SYNE2: variants seen among roughly 807,000 people sequenced by gnomAD.
SYNE2 encodes the protein spectrin repeat containing nuclear envelope protein 2.
Under a neutral mutation model 856.3 loss-of-function variants are expected in SYNE2, and 431 were observed. The ratio of observed to expected loss-of-function variants is 0.50; its 90% CI spans 0.47 to 0.55. The LOEUF (loss-of-function observed/expected upper bound fraction) is 0.55, where lower values mean the gene tolerates loss of function less well. Among genes scored for constraint, SYNE2 ranks in the 20% least tolerant of loss-of-function variants. SYNE2 has a pLI of 0.00. For missense variants in SYNE2, 8,129 were observed against 8,023.2 expected (o/e 1.01, Z -0.50); for synonymous variants, 2,923 against 2,872.3 (o/e 1.02, Z -0.56).
Position 64,027,602 on chromosome 14 carries a change from C to T in SYNE2, c.6523C>T (p.Leu2175=). 2 of 1,614,048 alleles carry T rather than the reference C, an allele frequency of 1.2e-6. No individual in the cohort carries two copies. The highest frequency in any genetic ancestry group is 1.7e-4 in the Middle Eastern group (1 of 6,060). ...AGCAGGCTTTGCTCTACAACATGGT[C>T]TGCAGGAGAAGAAAGCTCAGTTAAA... ...QEAGFALQHG[L]QEKKAQLKIY... The change falls in exon 43 of 116, where the codon CTG becomes TTG. Residue 2175 remains leucine (L), a synonymous_variant. Coordinates refer to ENST00000555002, the MANE Select transcript of SYNE2 (RefSeq NM_182914.3).
chr14:63,799,297 T>C (rs1242570686), intron 1 of SYNE2, among the ~76,000 whole-genome samples: 2 of 152,166 alleles, frequency 1.3e-5, no homozygotes, highest in Non-Finnish European at 2.9e-5. Flanking sequence ...CAGGCTGATC[T>C]TGAACTCCTG....
chr14:64,119,429 T>G lies in SYNE2; in HGVS notation c.12843T>G (p.Ala4281=). 6.2e-7 allele frequency: 1 copy of G among 1,614,204 alleles called. No individual in the cohort carries two copies. The highest frequency in any genetic ancestry group is 8.5e-7 in the Non-Finnish European group (1 of 1,180,016). The change falls in exon 67 of 116, where the codon GCT becomes GCG. Residue 4281 remains alanine, a splice_region_variant and synonymous_variant. Transcript: ENST00000555002. Reference sequence around the variant, plus strand: ...AATTAAATGCTTTTATTTCCTAGGCTATGCTAACAGAGATTGAGCACAAGG... The same window carrying G: ...AATTAAATGCTTTTATTTCCTAGGCGATGCTAACAGAGATTGAGCACAAGG... The part of the protein sequence containing the change: ...VLEQQLVGCQ[A]MLTEIEHKVA...
At chr14:63,954,560 G>C (rs1322044293) in intron 7 of SYNE2, among the ~76,000 whole-genome samples, 159 bp from the exon 8 acceptor site, 2 of 152,118 alleles carry the variant, frequency 1.3e-5, no homozygotes, top group African/African-American at 4.8e-5. Context: ...ATCAAACTTG[G>C]CATTTTCCTT....
At chr14:64,144,186 G>C (rs1170836673) in intron 83 of SYNE2, among the ~76,000 whole-genome samples, 2 of 152,188 alleles carry the variant, frequency 1.3e-5, no homozygotes, top group African/African-American at 2.4e-5. Flanking sequence ...AAGTGAAGAT[G>C]AGGAATTTTA....
intron 109 of SYNE2, 99 bp from the exon 110 acceptor site, chr14:64,219,109 T>TTTTTTTTTTG (rs2140346648): frequency 3.4e-6 from 3 of 873,090 alleles, no homozygotes; most frequent in East Asian, 6.9e-5. Context: ...TTTTTGTTTT[T>TTTTTTTTTTG]TTTTTTTTTT....
intron 22 of SYNE2, among the ~76,000 whole-genome samples, chr14:63,994,382 A>G (rs992255241): frequency 4.6e-5 from 7 of 152,216 alleles, no homozygotes; most frequent in African/African-American, 1.7e-4. Flanking sequence ...CTATATATCT[A>G]TGTCTATGTA....
chr14:64,046,800 T>G (rs554054163), intron 45 of SYNE2, among the ~76,000 whole-genome samples: 2 of 152,358 alleles, frequency 1.3e-5, no homozygotes, highest in African/African-American at 4.8e-5. Context: ...CAAGCTGCTC[T>G]GGGTGCCGAG....
intron 23 of SYNE2, among the ~76,000 whole-genome samples, chr14:63,995,486 A>G (rs1267364554): frequency 6.6e-6 from 1 of 152,142 alleles, no homozygotes; most frequent in Non-Finnish European, 1.5e-5. Context: ...AACTGTTACT[A>G]AAGTACCCAC....
At chr14:64,223,683 C>T (rs1204299827) in intron 113 of SYNE2, among the ~76,000 whole-genome samples, 1 of 152,044 alleles carries the variant, frequency 6.6e-6, no homozygotes, top group East Asian at 1.9e-4. Context: ...CCAGGCTGGT[C>T]TTGAACTCCT....
intron 1 of SYNE2, among the ~76,000 whole-genome samples, chr14:63,867,483 A>C (rs1895697735): frequency 6.6e-6 from 1 of 151,822 alleles, no homozygotes; most frequent in African/African-American, 2.4e-5. Flanking sequence ...GGATCACCTG[A>C]GGTCAGGAAT....
At chr14:64,031,386 C>T (rs775487611) in intron 45 of SYNE2, 29 bp downstream of exon 45, 6 of 1,591,428 alleles carry the variant, frequency 3.8e-6, no homozygotes, top group Admixed American at 1.7e-5. Flanking sequence ...ACTTTCAAGA[C>T]AGTGAGTCTG....
At chr14:63,861,341 C>T (rs1281144868) in intron 1 of SYNE2, among the ~76,000 whole-genome samples, 2 of 151,830 alleles carry the variant, frequency 1.3e-5, no homozygotes, top group African/African-American at 4.8e-5. Flanking sequence ...GACGGGGTTT[C>T]ACCATGTTGG....
intron 32 of SYNE2, 121 bp downstream of exon 32, chr14:64,010,237 C>T (rs1186631797): frequency 1.3e-5 from 14 of 1,078,912 alleles, no homozygotes; most frequent in Non-Finnish European, 1.9e-5. Flanking sequence ...ACTAGTGACC[C>T]TATTTTACCA....
intron 59 of SYNE2, 101 bp from the exon 60 acceptor site, chr14:64,090,765 C>A: frequency 4.6e-6 from 5 of 1,083,080 alleles, no homozygotes; most frequent in Non-Finnish European, 5.3e-6. Context: ...TTTAAAAATG[C>A]AAACTATAAA....
intron 96 of SYNE2, among the ~76,000 whole-genome samples, chr14:64,181,819 T>A (rs2098459520): frequency 6.6e-6 from 1 of 152,246 alleles, no homozygotes; most frequent in South Asian, 2.1e-4. Flanking sequence ...CTTACATATA[T>A]GTTTTACATA....
At chr14:64,216,428 A>G in intron 108 of SYNE2, 41 bp downstream of exon 108, 10 of 1,601,010 alleles carry the variant, frequency 6.2e-6, no homozygotes, top group Non-Finnish European at 8.6e-6. Flanking sequence ...TATGTCTGTG[A>G]GTCATACTTA....
intron 34 of SYNE2, among the ~76,000 whole-genome samples, chr14:64,019,471 A>G (rs2096920027): frequency 6.6e-6 from 1 of 152,278 alleles, no homozygotes; most frequent in South Asian, 2.1e-4. Context: ...GGAGATTTCA[A>G]GTTTCCTGGA....
In SYNE2 at chr14:63,954,721, A is replaced by G. The variant is rs377436719; in HGVS notation, c.593A>G (p.Tyr198Cys). 1.4e-5 allele frequency: 23 copies of G among 1,613,908 alleles called. No homozygotes were observed. The African/African-American group carries it at 1.6e-4, about 11-fold the overall frequency. ...ATGTTTTTGTCTTTTTATGATAGCT[A>G]TGAGTCTGTCAATGTGACCGATTTT... ...LLWAQEQCAT[Y>C]ESVNVTDFKS... The change falls in exon 8 of 116, where the codon TAT (tyrosine) becomes TGT (cysteine). Residue 198 changes from tyrosine (Y) to cysteine (C), a missense_variant and splice_region_variant. Physicochemically the swap from Tyr to Cys is radical, Grantham distance 194. Coordinates refer to ENST00000555002, the MANE Select transcript of SYNE2 (RefSeq NM_182914.3).
rs751614314 is a variant in SYNE2, at chr14:64,056,266, G to C, written c.10067G>C (p.Arg3356Thr). 1.2e-6 allele frequency: 2 copies of C among 1,612,978 alleles called. No individual in the cohort carries two copies. ...AAAGCACAGGAAACTGAGGCAGAAA[G>C]GTAGGTCCTCTTCCAAAGGTAATCT... The part of the protein sequence containing the change: ...AFKAQETEAE[R>T]YLENYKCYRK... The change falls in exon 49 of 116, where the codon AGG becomes ACG. Residue 3356 changes from arginine to threonine, a missense_variant and splice_region_variant. Physicochemically the swap from Arg to Thr is moderately conservative, Grantham distance 71. Coordinates refer to ENST00000555002, the MANE Select transcript of SYNE2 (RefSeq NM_182914.3).
Sources: gnomAD v4.1 joint callset for allele counts (sites outside exome capture counted in the v4.1 genomes callset) on GRCh38, gnomAD v4.1.1 for gene constraint, MANE v1.5 for transcripts, NCBI Gene and HGNC (gene_info 2026-07-23, HGNC 2026-07-21) for gene names.